The following DNAH11 variants were observed in gnomAD, a reference collection of about 807,000 sequenced individuals.
The protein encoded by DNAH11 is dynein axonemal heavy chain 11.
DNAH11 carries 442 observed loss-of-function variants against 526.0 expected under a neutral mutation model. The observed-to-expected ratio is 0.84, with a 90% confidence interval of 0.78 to 0.91. DNAH11 has a LOEUF of 0.91. DNAH11 is among the 40% of genes least tolerant of loss of function. The pLI, the probability that DNAH11 is intolerant of heterozygous loss-of-function variation, is 0.00. For synonymous variants in DNAH11, 2,461 were observed against 1,935.9 expected, an observed-to-expected ratio of 1.27 and a Z score of -7.12; for missense variants, 6,989 against 5,448.7, an observed-to-expected ratio of 1.28 and a Z score of -8.90.
intron 73 of DNAH11, 147 bp from the exon 74 acceptor site, chr7:21,873,127 G>A (rs1246131780): frequency 2.8e-6 from 2 of 708,940 alleles, no homozygotes; most frequent in Non-Finnish European, 4.7e-6. Context: ...TATTGATAAA[G>A]GAAAATTTTT....
intron 44 of DNAH11, among the ~76,000 whole-genome samples, chr7:21,723,960 C>T (rs1271639242): frequency 2.0e-5 from 3 of 152,242 alleles, no homozygotes; most frequent in African/African-American, 7.2e-5. Flanking sequence ...GGCTTAGCCT[C>T]AGCTGGACGA....
At chr7:21,646,095 G>A (rs1174188192) in intron 28 of DNAH11, among the ~76,000 whole-genome samples, 2 of 151,934 alleles carry the variant, frequency 1.3e-5, no homozygotes, top group Non-Finnish European at 2.9e-5. Context: ...AAAAAACAAA[G>A]GCAGATTATC....
In DNAH11 at chr7:21,620,719, C is replaced by T. The variant is rs373291422; in HGVS notation, c.4500+641C>T. Among the ~76,000 whole-genome samples the T allele has an allele frequency of 2.3e-3, 257 of 110,958 alleles. 2 individuals carry two copies. In the Middle Eastern group the frequency reaches 0.025, roughly 11 times the overall value. 72.8% of individuals were successfully genotyped at this position (110,958 alleles called of 152,430 possible). A position where few individuals can be genotyped will look rare whatever the true frequency, so the allele number is the denominator to read the frequency against. ...CCTAAAGCTATCCCTCCCCCCTCCC[C>T]CCACCCCACAACAGTCCCCAGAGTG... On this transcript the variant is annotated intron_variant, in intron 25 of 81. Transcript: ENST00000409508.
At chr7:21,665,170 C>A (rs10950868) in intron 30 of DNAH11, among the ~76,000 whole-genome samples, 6 of 151,646 alleles carry the variant, frequency 4.0e-5, no homozygotes, top group East Asian at 3.9e-4. Flanking sequence ...TGACCTCTCC[C>A]CCTTTCTACC....
intron 30 of DNAH11, among the ~76,000 whole-genome samples, chr7:21,667,387 C>T (rs1782462295): frequency 6.6e-6 from 1 of 152,104 alleles, no homozygotes; most frequent in Non-Finnish European, 1.5e-5. Context: ...TGCATGCACG[C>T]ATCTCTATTG....
At chr7:21,704,329 A>G in intron 37 of DNAH11, 105 bp from the exon 38 acceptor site, 1 of 1,141,784 alleles carries the variant, frequency 8.8e-7, no homozygotes, top group South Asian at 1.6e-5. Context: ...CAGTACCAAT[A>G]TCTCATGCTT....
intron 6 of DNAH11, among the ~76,000 whole-genome samples, chr7:21,566,328 C>G (rs949757909): frequency 2.2e-4 from 34 of 152,078 alleles, no homozygotes; most frequent in Non-Finnish European, 4.1e-4. Flanking sequence ...TGACCCGATT[C>G]CTTTGATTCT....
At position 21,867,937 on chromosome 7, in the gene DNAH11, C is replaced by A; in HGVS notation, c.11769C>A (p.Ser3923Arg). 1 of 1,572,206 alleles carries A rather than the reference C, an allele frequency of 6.4e-7. No individual in the cohort carries two copies. Among genetic ancestry groups the A allele is most frequent in the Non-Finnish European group, 8.6e-7 (1 of 1,157,450 alleles). The change falls in exon 72 of 82, where the codon AGC becomes AGA. Residue 3923 changes from serine to arginine, a missense_variant. Physicochemically the swap from Ser to Arg is moderately radical, Grantham distance 110. Coordinates refer to ENST00000409508, the MANE Select transcript of DNAH11 (RefSeq NM_001277115.2). ...RLDLVKAFEE[S>R]SPATPIFFIL... ...ACTTAGTTAAAGCATTCGAAGAAAG[C>A]AGCCCAGCCACCCCCATATTCTTCA...
intron 67 of DNAH11, among the ~76,000 whole-genome samples, chr7:21,854,038 A>G (rs1782737221): frequency 6.6e-6 from 1 of 152,182 alleles, no homozygotes; most frequent in East Asian, 1.9e-4. Flanking sequence ...GACATTACTC[A>G]AATTCTGTAG....
intron 28 of DNAH11, among the ~76,000 whole-genome samples, chr7:21,649,962 G>A (rs1787552602): frequency 6.6e-6 from 1 of 152,084 alleles, no homozygotes; most frequent in African/African-American, 2.4e-5. Flanking sequence ...CCCATGCCCA[G>A]CGACTATTCT....
chr7:21,543,148 A>AGGGTGGGCGCCTGCGGAGGT lies in DNAH11; in HGVS notation c.-96_-77dup. ...TCTGCGCTCGCGGCGACCGCGGAGG[A>AGGGTGGGCGCCTGCGGAGGT]GGGTGGGCGCCTGCGGAGGTGTCCT... On this transcript the variant is annotated 5_prime_UTR_variant, in exon 1 of 82. Coordinates refer to ENST00000409508, the MANE Select transcript of DNAH11 (RefSeq NM_001277115.2). The AGGGTGGGCGCCTGCGGAGGT allele has an allele frequency of 7.0e-7, 1 of 1,433,914 alleles. No individual in the cohort carries two copies. The highest frequency in any genetic ancestry group is 9.1e-7 in the Non-Finnish European group (1 of 1,100,978). The allele number at this position is 1,433,914 out of a possible 1,614,324, so 88.8% of individuals were successfully genotyped here.
chr7:21,795,487 T>A (rs1250609478), intron 61 of DNAH11, among the ~76,000 whole-genome samples: 1 of 152,270 alleles, frequency 6.6e-6, no homozygotes, highest in Admixed American at 6.5e-5. Flanking sequence ...TCATTTCCTT[T>A]CTGTCTTCCA....
At chr7:21,585,962 T>C (rs1461613926) in intron 9 of DNAH11, among the ~76,000 whole-genome samples, 1 of 152,248 alleles carries the variant, frequency 6.6e-6, no homozygotes, top group East Asian at 1.9e-4. Flanking sequence ...AAATAGCTTT[T>C]AGTTTTACTG....
intron 36 of DNAH11, among the ~76,000 whole-genome samples, chr7:21,698,895 C>T (rs541968403): frequency 5.3e-5 from 8 of 152,050 alleles, no homozygotes; most frequent in East Asian, 3.9e-4. Context: ...TTTCATTTGA[C>T]ATTAGAAATA....
At chr7:21,627,330 C>T (rs76020879) in intron 25 of DNAH11, among the ~76,000 whole-genome samples, 2 of 151,908 alleles carry the variant, frequency 1.3e-5, no homozygotes, top group East Asian at 3.9e-4. Flanking sequence ...TGAAGTCTTA[C>T]ACACACACAC....
rs1167519702 is a variant in DNAH11 at position 21,744,965 on chromosome 7, G to A, written c.8412G>A (p.Trp2804Ter). Residue 2804 changes from tryptophan to a stop codon, truncating the protein, a stop_gained, in exon 51 of 82, where the codon TGG (tryptophan) becomes TGA (stop). Transcript: ENST00000409508. LOFTEE classifies it high-confidence loss of function. ...KDPHYMPVKD[W>*]EVLKTILTET... ...CACATTACATGCCAGTGAAGGACTG[G>A]GAAGTGCTGAAGACGATTCTTACAG... 2 of 1,610,494 alleles carry A rather than the reference G, an allele frequency of 1.2e-6. No homozygotes were observed. The highest frequency in any genetic ancestry group is 4.5e-5 in the East Asian group (2 of 44,766).
At chr7:21,575,710 C>T (rs963612302) in intron 8 of DNAH11, among the ~76,000 whole-genome samples, 1 of 152,292 alleles carries the variant, frequency 6.6e-6, no homozygotes, top group Admixed American at 6.5e-5. Flanking sequence ...TCCCCAAAGG[C>T]ATCTCTATTA....
At chr7:21,798,355 C>G (rs1445784999) in intron 61 of DNAH11, among the ~76,000 whole-genome samples, 1 of 152,182 alleles carries the variant, frequency 6.6e-6, no homozygotes, top group Non-Finnish European at 1.5e-5. Context: ...CTCGGCCTCC[C>G]AAAGTGCTGG....
intron 65 of DNAH11, among the ~76,000 whole-genome samples, chr7:21,833,922 T>C (rs6959156): frequency 3.9e-5 from 6 of 152,142 alleles, no homozygotes; most frequent in African/African-American, 1.4e-4. Context: ...CTCAGCACCT[T>C]ACTTTCAGCA....
Sources: gnomAD v4.1 joint callset for allele counts (sites outside exome capture counted in the v4.1 genomes callset) on GRCh38, gnomAD v4.1.1 for gene constraint, MANE v1.5 for transcripts, NCBI Gene and HGNC (gene_info 2026-07-23, HGNC 2026-07-21) for gene names.